ME1: variants seen among roughly 807,000 people sequenced by gnomAD.
ME1 encodes the protein malic enzyme 1.
Under a neutral mutation model 66.4 loss-of-function variants are expected in ME1, and 74 were observed. The ratio of observed to expected loss-of-function variants is 1.11; its 90% CI spans 0.92 to 1.35. The LOEUF is 1.35. Ranked by LOEUF, ME1 falls within the 40% of genes most tolerant of loss-of-function variation. ME1 has a pLI of 0.00. For missense variants in ME1, 750 were observed against 694.1 expected (o/e 1.08, Z -0.90); for synonymous variants, 251 against 235.6 (o/e 1.07, Z -0.60).
chr6:83,219,539 CACAG>C (rs1300778984), intron 12 of ME1, among the ~76,000 whole-genome samples: 1 of 151,970 alleles, frequency 6.6e-6, no homozygotes, highest in Admixed American at 6.6e-5. Flanking sequence ...AACAATTTAC[CACAG>C]ACAGTGTCTG....
intron 3 of ME1, among the ~76,000 whole-genome samples, chr6:83,355,855 A>G (rs1182809626): frequency 6.6e-6 from 1 of 152,172 alleles, no homozygotes; most frequent in Non-Finnish European, 1.5e-5. Context: ...ATTATAATGA[A>G]TACCTTTTCA....
intron 6 of ME1, among the ~76,000 whole-genome samples, chr6:83,305,001 G>T (rs1326489447): frequency 6.6e-6 from 1 of 152,042 alleles, no homozygotes. Flanking sequence ...AGACAATCGG[G>T]TATTCATTAC....
intron 3 of ME1, chr6:83,392,803 A>G (rs1769648051): frequency 4.2e-6 from 3 of 718,974 alleles, no homozygotes; most frequent in East Asian, 3.2e-5. Context: ...TGATGCCCCC[A>G]TGTTCGTGAT....
At chr6:83,280,704 C>A (rs1261342899) in intron 6 of ME1, among the ~76,000 whole-genome samples, 3 of 152,132 alleles carry the variant, frequency 2.0e-5, no homozygotes, top group Non-Finnish European at 2.9e-5. Context: ...AAGAATTGAT[C>A]CAACAACTAC....
At chr6:83,251,560 C>T (rs1417090996) in intron 7 of ME1, among the ~76,000 whole-genome samples, 1 of 151,918 alleles carries the variant, frequency 6.6e-6, no homozygotes, top group Non-Finnish European at 1.5e-5. Context: ...ATAATTAGTG[C>T]TATGGCAGCC....
chr6:83,314,029 T>C (rs1268158864), intron 6 of ME1, among the ~76,000 whole-genome samples: 1 of 152,196 alleles, frequency 6.6e-6, no homozygotes, highest in Non-Finnish European at 1.5e-5. Flanking sequence ...TAGAGTTAAT[T>C]CTAGTGATGA....
intron 1 of ME1, among the ~76,000 whole-genome samples, chr6:83,430,383 C>G (rs1770463536): frequency 6.6e-6 from 1 of 152,170 alleles, no homozygotes; most frequent in Non-Finnish European, 1.5e-5. Context: ...CTAACGTGAT[C>G]TGAAGGCACT....
chr6:83,228,744 T>C, intron 10 of ME1, 82 bp downstream of exon 10: 1 of 931,248 alleles, frequency 1.1e-6, no homozygotes, highest in Non-Finnish European at 1.7e-6. Flanking sequence ...AAAGGCTAAA[T>C]TATACCTCAA....
At chr6:83,251,308 A>G (rs1790719611) in intron 7 of ME1, among the ~76,000 whole-genome samples, 2 of 152,042 alleles carry the variant, frequency 1.3e-5, no homozygotes, top group African/African-American at 4.8e-5. Context: ...CAGCCTGACC[A>G]ACGTGGCAAA....
intron 3 of ME1, among the ~76,000 whole-genome samples, chr6:83,380,423 T>C (rs1769374439): frequency 1.3e-5 from 2 of 151,944 alleles, no homozygotes; most frequent in South Asian, 4.2e-4. Context: ...TTTTTGAAAA[T>C]CCACTCCCTT....
At chr6:83,390,237 A>T (rs968362588) in intron 3 of ME1, among the ~76,000 whole-genome samples, 7 of 152,206 alleles carry the variant, frequency 4.6e-5, no homozygotes, top group Admixed American at 1.3e-4. Context: ...TGTTAAGCTC[A>T]GTACTTGAAG....
intron 5 of ME1, among the ~76,000 whole-genome samples, chr6:83,317,124 T>C (rs1768050265): frequency 6.6e-6 from 1 of 152,192 alleles, no homozygotes. Flanking sequence ...AAGAAAATGT[T>C]CAGTTTGTGA....
At chr6:83,288,393 A>C (rs1015392181) in intron 6 of ME1, among the ~76,000 whole-genome samples, 6 of 152,130 alleles carry the variant, frequency 3.9e-5, no homozygotes, top group African/African-American at 1.4e-4. Flanking sequence ...TTTTCCCAAC[A>C]CTATTTATTA....
chr6:83,257,272 T>G (rs1766791405), intron 6 of ME1, among the ~76,000 whole-genome samples: 1 of 151,860 alleles, frequency 6.6e-6, no homozygotes, highest in Non-Finnish European at 1.5e-5. Context: ...CTAAAGAAAC[T>G]TCTAAAAGGT....
chr6:83,230,640 A>G (rs773380769), intron 9 of ME1, among the ~76,000 whole-genome samples: 1 of 152,150 alleles, frequency 6.6e-6, no homozygotes, highest in Non-Finnish European at 1.5e-5. Context: ...CCTATTAATA[A>G]TCTGCTGTAG....
At chr6:83,410,298 T>A (rs1350529007) in intron 1 of ME1, among the ~76,000 whole-genome samples, 1 of 152,138 alleles carries the variant, frequency 6.6e-6, no homozygotes, top group Non-Finnish European at 1.5e-5. Flanking sequence ...TTTTCAAACA[T>A]TCAATTTTAG....
In ME1 at chr6:83,352,155, A is replaced by G; in HGVS notation, c.363-16T>C. On this transcript the variant is annotated splice_polypyrimidine_tract_variant and intron_variant, in intron 3 of 13. Transcript: ENST00000369705. ...AAAGAGACCTCTGCAGAAAAAAAAA[A>G]AAAAAAAGGAGTAGTTTACATTTAC... is the stretch of plus-strand genomic sequence containing the variant. The G allele has an allele frequency of 6.7e-7, 1 of 1,502,760 alleles. No individual in the cohort carries two copies. The highest frequency in any genetic ancestry group is 8.9e-7 in the Non-Finnish European group (1 of 1,125,596). The allele number at this position is 1,502,760 out of a possible 1,614,324, so 93.1% of individuals were successfully genotyped here.
At chr6:83,218,388 GAA>G (rs1055355016) in intron 12 of ME1, among the ~76,000 whole-genome samples, 19 of 152,178 alleles carry the variant, frequency 1.2e-4, no homozygotes, top group African/African-American at 3.4e-4. Context: ...TGTCCTCAAG[GAA>G]AGACTGGGGG....
intron 7 of ME1, among the ~76,000 whole-genome samples, chr6:83,245,062 A>G (rs898283080): frequency 6.6e-6 from 1 of 152,114 alleles, no homozygotes; most frequent in African/African-American, 2.4e-5. Context: ...AGGAAGAAAT[A>G]AAAGGTGAAG....
Sources: allele counts gnomAD v4.1 joint callset (sites outside exome capture counted in the v4.1 genomes callset), GRCh38; gene constraint gnomAD v4.1.1; transcripts MANE v1.5; gene names NCBI Gene and HGNC (gene_info 2026-07-23, HGNC 2026-07-21).